The following NLRP3 variants were observed in gnomAD, a reference collection of about 807,000 sequenced individuals.
NLRP3 encodes NACHT, LRR and PYD domains-containing protein 3.
In NLRP3, 48 loss-of-function variants were observed where a neutral mutation model predicts 91.3. That is an observed-to-expected ratio of 0.53 (90% CI 0.42 to 0.67). The LOEUF (loss-of-function observed/expected upper bound fraction) is 0.67. Among genes scored for constraint, NLRP3 ranks in the 30% least tolerant of loss-of-function variants. NLRP3 has a pLI of 0.00. For synonymous variants in NLRP3, 561 were observed against 507.9 expected, an observed-to-expected ratio of 1.10 and a Z score of -1.41; for missense variants, 982 against 1,276.9, an observed-to-expected ratio of 0.77 and a Z score of 3.52.
Position 247,444,756 on chromosome 1 carries a change from C to T in NLRP3, c.2940C>T (p.Gly980=), listed in dbSNP as rs199649583. Residue 980 remains glycine, a synonymous_variant, in exon 9 of 10, where the codon GGC becomes GGT. Transcript: ENST00000336119. ...TGAGCCTGGGCAACAATGACCTGGG[C>T]GACCTGGGGGTCATGATGTTCTGTG... is the stretch of plus-strand genomic sequence containing the variant. ...RKLSLGNNDL[G]DLGVMMFCEV... is the part of the protein sequence containing the mutation. 135 of 1,613,972 alleles carry T rather than the reference C, an allele frequency of 8.4e-5. 1 individual carries two copies. Among genetic ancestry groups the T allele is most frequent in the Middle Eastern group, 8.2e-4 (5 of 6,064 alleles).
rs1662218699 is a variant in NLRP3 at position 247,418,643 on chromosome 1, T to G, written c.-158T>G. On this transcript the variant is annotated 5_prime_UTR_variant, in exon 2 of 10. Coordinates refer to ENST00000336119, the MANE Select transcript of NLRP3 (RefSeq NM_001243133.2). ...AATTAAAGATTTTGACTTGTTACAG[T>G]CATGTGACATTTTTTTCTTTCTGTT... is the stretch of plus-strand genomic sequence containing the variant. The G allele has an allele frequency of 1.1e-6, 1 of 920,376 alleles. No individual in the cohort carries two copies. The highest frequency in any genetic ancestry group is 1.7e-5 in the African/African-American group (1 of 60,146). 57.0% of individuals were successfully genotyped at this position (920,376 alleles called of 1,614,324 possible). A position where few individuals can be genotyped will look rare whatever the true frequency, so the allele number is the denominator to read the frequency against.
intron 9 of NLRP3, among the ~76,000 whole-genome samples, chr1:247,447,704 G>T (rs1454985356): frequency 6.6e-6 from 1 of 152,170 alleles, no homozygotes; most frequent in East Asian, 1.9e-4. Context: ...AATGCTGACT[G>T]GACATACAGT....
At chr1:247,417,654 G>C (rs1347589339) in intron 1 of NLRP3, among the ~76,000 whole-genome samples, 1 of 152,052 alleles carries the variant, frequency 6.6e-6, no homozygotes, top group African/African-American at 2.4e-5. Context: ...GTTAATTTTT[G>C]TATTTTTAGT....
intron 9 of NLRP3, among the ~76,000 whole-genome samples, chr1:247,445,499 G>A (rs115743837): frequency 6.6e-6 from 1 of 152,044 alleles, no homozygotes; most frequent in Admixed American, 6.6e-5. Context: ...CGTGCCTGGC[G>A]GTTTCTGAGG....
chr1:247,423,780 C>T (rs1215708444), intron 3 of NLRP3, 67 bp from the exon 4 acceptor site: 2 of 1,425,308 alleles, frequency 1.4e-6, no homozygotes, highest in African/African-American at 1.4e-5. Context: ...ATGACAGGCC[C>T]CAGCTGAGAG....
intron 6 of NLRP3, 72 bp downstream of exon 6, chr1:247,434,345 C>A: frequency 6.6e-7 from 1 of 1,518,958 alleles, no homozygotes; most frequent in Non-Finnish European, 9.0e-7. Flanking sequence ...TCAGTGAGGC[C>A]CGGTGGGCTG....
chr1:247,423,186 G>A (rs1228707882), intron 2 of NLRP3, 44 bp from the exon 3 acceptor site: 2 of 1,613,070 alleles, frequency 1.2e-6, no homozygotes, highest in African/African-American at 2.7e-5. Flanking sequence ...TGCATCCTCT[G>A]TGATAATAGT....
At chr1:247,420,434 C>T (rs974578362) in intron 2 of NLRP3, among the ~76,000 whole-genome samples, 1 of 151,454 alleles carries the variant, frequency 6.6e-6, no homozygotes, top group Admixed American at 6.6e-5. Context: ...TAAATCATGG[C>T]CGGGCATGGT....
At position 247,444,119 on chromosome 1, in the gene NLRP3, C is replaced by G. The variant is rs545121784; in HGVS notation, c.2811C>G (p.Pro937=). The change falls in exon 8 of 10, where the codon CCC becomes CCG. Residue 937 remains proline, a synonymous_variant. Coordinates refer to ENST00000336119, the MANE Select transcript of NLRP3 (RefSeq NM_001243133.2). ...TACTCTGTGAGGGACTCTTGCACCC[C>G]GACTGCAAGCTTCAGGTGTTGGAGT... ...IKLLCEGLLH[P]DCKLQVLELD... is the part of the protein sequence containing the mutation. The G allele has an allele frequency of 6.2e-7, 1 of 1,614,122 alleles. No homozygotes were observed. The highest frequency in any genetic ancestry group is 8.5e-7 in the Non-Finnish European group (1 of 1,180,020).
intron 2 of NLRP3, among the ~76,000 whole-genome samples, chr1:247,422,514 T>G (rs1662537871): frequency 6.6e-6 from 1 of 152,220 alleles, no homozygotes; most frequent in Admixed American, 6.6e-5. Flanking sequence ...CTTCTTAAGA[T>G]ATGCTATCTA....
intron 4 of NLRP3, among the ~76,000 whole-genome samples, chr1:247,426,912 G>A (rs1662929754): frequency 6.6e-6 from 1 of 152,166 alleles, no homozygotes; most frequent in African/African-American, 2.4e-5. Context: ...GAGAGAGAGG[G>A]CAGGTGTGGG....
intron 9 of NLRP3, among the ~76,000 whole-genome samples, chr1:247,447,827 A>G (rs919524810): frequency 6.6e-6 from 1 of 152,142 alleles, no homozygotes; most frequent in Non-Finnish European, 1.5e-5. Flanking sequence ...ATTTAAAATA[A>G]TCCATGGGTG....
At chr1:247,447,815 G>A (rs926651498) in intron 9 of NLRP3, among the ~76,000 whole-genome samples, 1 of 152,082 alleles carries the variant, frequency 6.6e-6, no homozygotes, top group African/African-American at 2.4e-5. Flanking sequence ...ATTAAATGCA[G>A]TATTTAAAAT....
chr1:247,429,493 C>G, intron 4 of NLRP3, 92 bp from the exon 5 acceptor site: 1 of 1,429,498 alleles, frequency 7.0e-7, no homozygotes, highest in South Asian at 1.2e-5. Flanking sequence ...AGGCATTTCT[C>G]TGAACTGGTG....
chr1:247,423,824 C>T, intron 3 of NLRP3, 23 bp from the exon 4 acceptor site: 1 of 1,610,162 alleles, frequency 6.2e-7, no homozygotes, highest in Non-Finnish European at 8.5e-7. Flanking sequence ...TACTTTCCCC[C>T]TAACTTCCTG....
At chr1:247,420,684 T>C (rs897945829) in intron 2 of NLRP3, among the ~76,000 whole-genome samples, 1 of 152,184 alleles carries the variant, frequency 6.6e-6, no homozygotes, top group Non-Finnish European at 1.5e-5. Context: ...ACCACGGCAC[T>C]CCAGCCTGGG....
intron 5 of NLRP3, among the ~76,000 whole-genome samples, chr1:247,433,652 G>A (rs61841185): frequency 0.13 from 19,284 of 145,926 alleles, 1,287 homozygotes; most frequent in African/African-American, 0.24. Flanking sequence ...GGTGTGTCCT[G>A]ATGCTTTCTC....
At position 247,425,569 on chromosome 1, in the gene NLRP3, C is replaced by A. The variant is rs200378519; in HGVS notation, c.2120C>A (p.Pro707Gln). Residue 707 changes from proline to glutamine, a missense_variant, in exon 4 of 10, where the codon CCA (proline) becomes CAA (glutamine). Pro to Gln is a moderately conservative substitution (Grantham distance 76). Around this residue, in one of 5 missense-constraint regions of NLRP3, gnomAD observed 373 missense variants for 431.5 expected, o/e 0.86. Coordinates refer to ENST00000336119, the MANE Select transcript of NLRP3 (RefSeq NM_001243133.2). The surrounding 1 kb of genome is among the most constrained non-coding windows in gnomAD (Gnocchi z 4.1). ...RHLDMVQCVL[P>Q]SSSHAACSHG... is the part of the protein sequence containing the mutation. ...CTTGATATGGTGCAGTGTGTCCTCC[C>A]AAGCTCCTCTCATGCTGCCTGTTCT... 30 of 1,609,752 alleles carry A rather than the reference C, an allele frequency of 1.9e-5. No individual in the cohort carries two copies. The African/African-American group carries it at 2.5e-4, about 14-fold the overall frequency.
intron 9 of NLRP3, among the ~76,000 whole-genome samples, chr1:247,445,462 A>G (rs752096277): frequency 2.6e-5 from 4 of 152,124 alleles, no homozygotes; most frequent in South Asian, 2.1e-4. Flanking sequence ...GGCCTCCCCA[A>G]GTGCTGGGAT....
Sources: gnomAD v4.1 joint callset for allele counts (sites outside exome capture counted in the v4.1 genomes callset) on GRCh38, gnomAD v4.1.1 for gene constraint, gnomAD v4.1.1 regional missense constraint, Gnocchi (gnomAD v3.1) non-coding constraint, MANE v1.5 for transcripts, NCBI Gene and HGNC (gene_info 2026-07-23, HGNC 2026-07-21) for gene names.